Variants in SUPT3H observed in about 807,000 individuals in gnomAD.
SUPT3H encodes SPT3 homolog, SAGA and STAGA complex component.
SUPT3H carries 44 observed loss-of-function variants against 44.3 expected under a neutral mutation model. The observed-to-expected ratio is 0.99, with a 90% CI of 0.78 to 1.28. The LOEUF is 1.28. Ranked by LOEUF, SUPT3H falls within the 50% of genes most tolerant of loss-of-function variation. The pLI, the probability that SUPT3H is intolerant of heterozygous loss-of-function variation, is 0.00. For synonymous variants in SUPT3H, 124 were observed against 125.6 expected (o/e 0.99, Z 0.09); for missense variants, 380 against 387.1 (o/e 0.98, Z 0.15).
At chr6:44,858,707 T>C (rs1211901620) in intron 10 of SUPT3H, among the ~76,000 whole-genome samples, 2 of 152,178 alleles carry the variant, frequency 1.3e-5, no homozygotes, top group Non-Finnish European at 2.9e-5. Flanking sequence ...CATATTGCCA[T>C]GCTAGAGTGA....
intron 2 of SUPT3H, among the ~76,000 whole-genome samples, chr6:45,112,475 G>T (rs1007750964): frequency 6.6e-6 from 1 of 151,924 alleles, no homozygotes; most frequent in African/African-American, 2.4e-5. Flanking sequence ...TCAATTAAAA[G>T]AATTTAACAG....
In SUPT3H at chr6:44,878,094, A is replaced by G. The variant is rs539065369; in HGVS notation, c.913-48237T>C. Among the ~76,000 whole-genome samples the G allele has an allele frequency of 3.3e-5, 5 of 152,322 alleles. No homozygotes were observed. The East Asian group carries it at 9.6e-4, about 29-fold the overall frequency. ...AATGCTAACATGGGCCAAACACTGA[A>G]CCCTAGCTGCCAGCATTTTGCTTTT... On this transcript the variant is annotated intron_variant, in intron 10 of 10. Coordinates refer to ENST00000371459, the MANE Select transcript of SUPT3H (RefSeq NM_003599.4).
intron 7 of SUPT3H, chr6:44,955,518 G>C (rs147748613): frequency 6.6e-6 from 1 of 152,142 alleles, no homozygotes; most frequent in African/African-American, 2.4e-5. Flanking sequence ...CCCTGGCAAC[G>C]GTAACTCCCT....
chr6:45,250,715 G>A (rs966991603), intron 2 of SUPT3H, among the ~76,000 whole-genome samples: 3 of 151,814 alleles, frequency 2.0e-5, no homozygotes, highest in Non-Finnish European at 1.5e-5. Context: ...CCATCTCACA[G>A]CACAGTATCA....
chr6:45,155,811 T>C (rs890935919), intron 2 of SUPT3H, among the ~76,000 whole-genome samples: 1 of 152,036 alleles, frequency 6.6e-6, no homozygotes, highest in Non-Finnish European at 1.5e-5. Context: ...CCCCCACATA[T>C]TAGGGCAATG....
At chr6:45,267,831 GC>G (rs59847907) in intron 2 of SUPT3H, among the ~76,000 whole-genome samples, 34,550 of 152,070 alleles carry the variant, frequency 0.23, 4,616 homozygotes, top group Non-Finnish European at 0.31. Flanking sequence ...GACCTAGGTT[GC>G]CCCCTAATCC....
rs1401153605 is a variant in SUPT3H, at chr6:45,239,279, TTACAGC to T, written c.101+125916_101+125921del. On this transcript the variant is annotated intron_variant, in intron 2 of 10. Coordinates refer to ENST00000371459, the MANE Select transcript of SUPT3H (RefSeq NM_003599.4). ...ATGCACCCTTTTTACGTTACTCATA[TTACAGC>T]TCATACATGTCTTCCAGGACCTTTA... 2.0e-5 allele frequency among the ~76,000 whole-genome samples: 3 copies of T among 152,248 alleles called. No homozygotes were observed. The East Asian group carries it at 5.8e-4, about 29-fold the overall frequency.
chr6:44,853,397 T>C (rs1157934309), intron 10 of SUPT3H, among the ~76,000 whole-genome samples: 2 of 152,194 alleles, frequency 1.3e-5, no homozygotes, highest in African/African-American at 2.4e-5. Flanking sequence ...AGGTGGCTTA[T>C]GCCTATAATC....
chr6:44,812,688 A>G lies in SUPT3H; in HGVS notation c.*53-3187T>C, dbSNP rs146911698. On this transcript the variant is annotated intron_variant and NMD_transcript_variant, in intron 11 of 11. Coordinates refer to the SUPT3H transcript ENST00000475057. ...GGCCAGGACTTGAGAGAATAAGATAATGGAGAAAAGTCAGGTTCTCTTTTT... is the reference window on the plus strand; with the variant it reads ...GGCCAGGACTTGAGAGAATAAGATAGTGGAGAAAAGTCAGGTTCTCTTTTT... Among the ~76,000 whole-genome samples the G allele has an allele frequency of 9.2e-5, 14 of 152,332 alleles. No homozygotes were observed. The East Asian group carries it at 2.7e-3, about 29-fold the overall frequency.
chr6:45,288,547 G>A lies in SUPT3H; in HGVS notation c.101+76654C>T, dbSNP rs547612228. Among the ~76,000 whole-genome samples the A allele has an allele frequency of 4.7e-4, 59 of 126,724 alleles. 3 individuals carry two copies. The East Asian group carries it at 6.4e-3, about 14-fold the overall frequency. The allele number at this position is 126,724 out of a possible 152,430, so 83.1% of individuals were successfully genotyped here. Reference sequence around the variant, plus strand: ...AGAGATACAATGTGTGTGTGTGTGTGTATATATATATATATATGTATATAT... The same window carrying A: ...AGAGATACAATGTGTGTGTGTGTGTATATATATATATATATATGTATATAT... On this transcript the variant is annotated intron_variant, in intron 2 of 10. Transcript: ENST00000371459.
intron 2 of SUPT3H, among the ~76,000 whole-genome samples, chr6:45,184,828 T>C (rs1813906200): frequency 7.0e-6 from 1 of 142,444 alleles, no homozygotes; most frequent in African/African-American, 2.6e-5. Context: ...TGTTCCTAAC[T>C]AGCAAAGCAA....
Position 45,095,172 on chromosome 6 carries a change from T to G in SUPT3H, c.186+10750A>C, listed in dbSNP as rs1011191199. Reference sequence around the variant, plus strand: ...ATGAACGTTTAGTTAGCAAGAAGACTGTTTCCATCCTATGATTCATTAGGT... The same window carrying G: ...ATGAACGTTTAGTTAGCAAGAAGACGGTTTCCATCCTATGATTCATTAGGT... On this transcript the variant is annotated intron_variant, in intron 3 of 10. Coordinates refer to ENST00000371459, the MANE Select transcript of SUPT3H (RefSeq NM_003599.4). The surrounding 1 kb of genome is among the most constrained non-coding windows in gnomAD (Gnocchi z 4.1). 6.6e-6 allele frequency among the ~76,000 whole-genome samples: 1 copy of G among 152,168 alleles called. No individual in the cohort carries two copies. The highest frequency in any genetic ancestry group is 1.5e-5 in the Non-Finnish European group (1 of 67,984).
chr6:44,994,718 T>C (rs1364742930), intron 6 of SUPT3H, among the ~76,000 whole-genome samples: 3 of 152,122 alleles, frequency 2.0e-5, no homozygotes, highest in Non-Finnish European at 4.4e-5. Context: ...TCATTTGTGC[T>C]CCTATGTGAG....
intron 2 of SUPT3H, among the ~76,000 whole-genome samples, chr6:45,222,534 GACA>G (rs994613959): frequency 1.3e-5 from 2 of 152,044 alleles, no homozygotes; most frequent in African/African-American, 4.8e-5. Flanking sequence ...TAAAAACAGT[GACA>G]ACAACAAAGA....
intron 6 of SUPT3H, among the ~76,000 whole-genome samples, chr6:44,971,733 A>T (rs943264107): frequency 6.6e-6 from 1 of 152,112 alleles, no homozygotes; most frequent in African/African-American, 2.4e-5. Context: ...CACATTTCAA[A>T]ACCAATCATG....
intron 5 of SUPT3H, among the ~76,000 whole-genome samples, chr6:45,005,285 G>C (rs967883076): frequency 1.3e-5 from 2 of 152,072 alleles, no homozygotes; most frequent in African/African-American, 2.4e-5. Context: ...AAGCCTTTCT[G>C]TTAATTGTCT....
rs557169135 is a variant in SUPT3H at position 44,957,002 on chromosome 6, A to G, written c.581-2395T>C. ...GTAACCTTTAGTTAAATATCTCTAC[A>G]CTGCCACAGTGCTAAGCAGTCTAAT... On this transcript the variant is annotated intron_variant, in intron 7 of 10. Transcript: ENST00000371459. 1.1e-4 allele frequency among the ~76,000 whole-genome samples: 17 copies of G among 152,310 alleles called. 1 individual carries two copies. The South Asian group carries it at 3.5e-3, about 32-fold the overall frequency.
intron 9 of SUPT3H, among the ~76,000 whole-genome samples, chr6:44,937,161 T>C (rs1322139204): frequency 2.0e-5 from 3 of 152,210 alleles, no homozygotes; most frequent in South Asian, 4.1e-4. Context: ...AGTAATGAGA[T>C]TGCTGGATTG....
chr6:45,208,817 G>A (rs1480413659), intron 2 of SUPT3H, among the ~76,000 whole-genome samples: 2 of 151,516 alleles, frequency 1.3e-5, no homozygotes, highest in Non-Finnish European at 2.9e-5. Context: ...TAGCTGGAGA[G>A]GAGAAGTCAA....
Sources: gnomAD v4.1 joint callset for allele counts (sites outside exome capture counted in the v4.1 genomes callset) on GRCh38, gnomAD v4.1.1 for gene constraint, Gnocchi (gnomAD v3.1) non-coding constraint, MANE v1.5 for transcripts, NCBI Gene and HGNC (gene_info 2026-07-23, HGNC 2026-07-21) for gene names.